The following DENND1A variants were observed in gnomAD, a reference collection of about 807,000 sequenced individuals.
DENND1A encodes the protein DENN domain containing 1A.
A neutral mutation model predicts 113.7 loss-of-function variants in DENND1A; 51 were observed. The ratio of observed to expected loss-of-function variants is 0.45; its 90% CI spans 0.36 to 0.57. The LOEUF is 0.57. Among genes scored for constraint, DENND1A ranks in the 20% least tolerant of loss-of-function variants. The pLI is 0.00. For synonymous variants in DENND1A, 565 were observed against 570.8 expected (o/e 0.99, Z 0.14); for missense variants, 1,258 against 1,395.9 (o/e 0.90, Z 1.57).
At chr9:123,568,778 C>A (rs1000134170) in intron 12 of DENND1A, among the ~76,000 whole-genome samples, 3 of 151,888 alleles carry the variant, frequency 2.0e-5, no homozygotes, top group Admixed American at 6.6e-5. Context: ...GGGATCCGGG[C>A]ATCTCCACCT....
At chr9:123,631,776 A>T (rs2061485988) in intron 9 of DENND1A, among the ~76,000 whole-genome samples, 1 of 152,212 alleles carries the variant, frequency 6.6e-6, no homozygotes, top group Non-Finnish European at 1.5e-5. Flanking sequence ...CTTGAGAGCT[A>T]GAGACATCAT....
intron 2 of DENND1A, among the ~76,000 whole-genome samples, chr9:123,801,971 A>C (rs1458704823): frequency 6.6e-6 from 1 of 152,206 alleles, no homozygotes; most frequent in African/African-American, 2.4e-5. Flanking sequence ...ATTAACAGTC[A>C]ATCATACCAA....
chr9:123,924,258 G>C (rs1272800044), intron 1 of DENND1A, among the ~76,000 whole-genome samples: 1 of 152,226 alleles, frequency 6.6e-6, no homozygotes, highest in African/African-American at 2.4e-5. Flanking sequence ...GGACTGAAGG[G>C]TTTGGGGGAA....
At chr9:123,727,984 T>C (rs894244624) in intron 5 of DENND1A, among the ~76,000 whole-genome samples, 2 of 151,876 alleles carry the variant, frequency 1.3e-5, no homozygotes, top group South Asian at 2.1e-4. Flanking sequence ...CAGGCTCCTG[T>C]AGTCCCAGTT....
At chr9:123,400,957 C>G (rs553681357) in intron 21 of DENND1A, 15 of 152,324 alleles carry the variant, frequency 9.8e-5, no homozygotes, top group Admixed American at 4.6e-4. Flanking sequence ...CTGCCCCAGT[C>G]TTCTAAGTTT....
At chr9:123,416,335 C>G (rs2044723848) in intron 19 of DENND1A, among the ~76,000 whole-genome samples, 1 of 152,162 alleles carries the variant, frequency 6.6e-6, no homozygotes, top group Non-Finnish European at 1.5e-5. Flanking sequence ...GCGAGCTGCT[C>G]AACACCCCCA....
In DENND1A at chr9:123,487,088, C is replaced by T. The variant is rs943700365; in HGVS notation, c.994-29191G>A. ...CATAGAGGCCCCCATATTTCTATAG[C>T]AAAGCAAGAGAATGTTTGAAAATAA... On this transcript the variant is annotated intron_variant, in intron 13 of 23. Transcript: ENST00000394215. Among the ~76,000 whole-genome samples, 13 of 152,288 alleles carry T rather than the reference C, an allele frequency of 8.5e-5. No homozygotes were observed. In the East Asian group the frequency reaches 2.5e-3, roughly 29 times the overall value.
chr9:123,927,215 C>A (rs975093811), intron 1 of DENND1A, among the ~76,000 whole-genome samples: 8 of 152,218 alleles, frequency 5.3e-5, no homozygotes, highest in Non-Finnish European at 8.8e-5. Context: ...GAAATCTCAA[C>A]ACCTGTGCCT....
chr9:123,700,647 C>G (rs1028756441), intron 5 of DENND1A, among the ~76,000 whole-genome samples: 1 of 152,146 alleles, frequency 6.6e-6, no homozygotes, highest in Non-Finnish European at 1.5e-5. Flanking sequence ...GGATGAGGAC[C>G]ACCAACATTA....
intron 5 of DENND1A, among the ~76,000 whole-genome samples, chr9:123,694,180 A>C (rs2140455934): frequency 6.6e-6 from 1 of 152,226 alleles, no homozygotes; most frequent in South Asian, 2.1e-4. Flanking sequence ...AACATCTCAC[A>C]AGTGAGTGAA....
At chr9:123,609,566 A>C in intron 10 of DENND1A, 85 bp from the exon 11 acceptor site, 1 of 1,480,354 alleles carries the variant, frequency 6.8e-7, no homozygotes, top group Non-Finnish European at 9.2e-7. Context: ...ATTTGGAGAA[A>C]AACTGTTTTA....
At chr9:123,739,876 C>G (rs1441544557) in intron 5 of DENND1A, among the ~76,000 whole-genome samples, 1 of 150,444 alleles carries the variant, frequency 6.6e-6, no homozygotes, top group Non-Finnish European at 1.5e-5. Context: ...CACCAGAGTT[C>G]TTCATCCTTT....
At chr9:123,729,888 A>T (rs1292208336) in intron 5 of DENND1A, among the ~76,000 whole-genome samples, 1 of 152,234 alleles carries the variant, frequency 6.6e-6, no homozygotes, top group Non-Finnish European at 1.5e-5. Flanking sequence ...CCAAAACAGC[A>T]TGGTACTGAT....
intron 13 of DENND1A, among the ~76,000 whole-genome samples, chr9:123,551,586 G>A (rs764866022): frequency 2.0e-5 from 3 of 152,336 alleles, no homozygotes; most frequent in Non-Finnish European, 4.4e-5. Context: ...CTAGTGAGGG[G>A]CTGGGATGGA....
chr9:123,791,549 G>A (rs1832992487), intron 3 of DENND1A, among the ~76,000 whole-genome samples: 1 of 152,026 alleles, frequency 6.6e-6, no homozygotes, highest in Non-Finnish European at 1.5e-5. Flanking sequence ...TCATTATACT[G>A]ATTATCCAGT....
chr9:123,545,166 C>T (rs765215461), intron 13 of DENND1A, among the ~76,000 whole-genome samples: 7 of 151,982 alleles, frequency 4.6e-5, no homozygotes, highest in Non-Finnish European at 8.8e-5. Context: ...TTCTATGTAT[C>T]AGGTTCTGTG....
chr9:123,921,288 A>G (rs570614467), intron 1 of DENND1A, among the ~76,000 whole-genome samples: 6 of 152,344 alleles, frequency 3.9e-5, no homozygotes, highest in South Asian at 2.1e-4. Flanking sequence ...ACAACCCTGT[A>G]GGTTAATTTA....
chr9:123,420,938 T>C (rs1162055418), intron 19 of DENND1A, among the ~76,000 whole-genome samples: 4 of 151,494 alleles, frequency 2.6e-5, no homozygotes, highest in African/African-American at 9.7e-5. Flanking sequence ...ACAGTCTGAA[T>C]AGGTGGCATC....
chr9:123,459,471 G>A (rs2048373668), intron 13 of DENND1A, among the ~76,000 whole-genome samples: 1 of 151,964 alleles, frequency 6.6e-6, no homozygotes, highest in Non-Finnish European at 1.5e-5. Context: ...TTATGCTTAT[G>A]CTGTTTGATA....
Sources: allele counts gnomAD v4.1 joint callset (sites outside exome capture counted in the v4.1 genomes callset), GRCh38; gene constraint gnomAD v4.1.1; transcripts MANE v1.5; gene names NCBI Gene and HGNC (gene_info 2026-07-23, HGNC 2026-07-21).